UGT1A3: variants seen among roughly 807,000 people sequenced by gnomAD.
The protein encoded by UGT1A3 is UDP glucuronosyltransferase family 1 member A3.
In UGT1A3, 31 loss-of-function variants were observed where a neutral mutation model predicts 41.0. That is an observed-to-expected ratio of 0.76 (90% CI 0.57 to 1.02). UGT1A3 has a LOEUF of 1.02. Among genes scored for constraint, UGT1A3 ranks in the 50% least tolerant of loss-of-function variants. UGT1A3 has a pLI of 0.00. For synonymous variants in UGT1A3, 262 were observed against 257.6 expected (o/e 1.02, Z -0.17); for missense variants, 737 against 671.0 (o/e 1.10, Z -1.09).
chr2:233,755,791 C>T (rs1696023449), intron 1 of UGT1A3: 1 of 152,494 alleles, frequency 6.6e-6, no homozygotes, highest in Admixed American at 6.5e-5. Flanking sequence ...ATCATATGTA[C>T]TGCATTAGAG....
rs193084224 is a variant in UGT1A3 at position 233,739,721 on chromosome 2, A to C, written c.867+9728A>C. On this transcript the variant is annotated intron_variant, in intron 1 of 4. Coordinates refer to ENST00000482026, the MANE Select transcript of UGT1A3 (RefSeq NM_019093.4). ...ACAGGCTCATGGGGGAAGGGACTTG[A>C]CTTGTCTCAGATGAGACCTTGGACT... 9.4e-3 allele frequency among the ~76,000 whole-genome samples: 1,433 copies of C among 152,244 alleles called. 32 individuals are homozygous for C. The highest frequency in any genetic ancestry group is 0.032 in the African/African-American group (1,344 of 41,496).
intron 1 of UGT1A3, chr2:233,760,122 C>T (rs535497865): frequency 2.2e-4 from 285 of 1,291,908 alleles, no homozygotes; most frequent in Non-Finnish European, 2.8e-4. Context: ...TAATAAAGCT[C>T]CACCTTCTTT....
At chr2:233,731,557 A>C (rs2078177814) in intron 1 of UGT1A3, among the ~76,000 whole-genome samples, 1 of 152,126 alleles carries the variant, frequency 6.6e-6, no homozygotes, top group Non-Finnish European at 1.5e-5. Context: ...TCCATGTGAT[A>C]GTTTGCTGAG....
At chr2:233,743,465 C>A in intron 1 of UGT1A3, 1 of 1,366,596 alleles carries the variant, frequency 7.3e-7, no homozygotes. Flanking sequence ...AAAACACCCC[C>A]AAAAGCTGGA....
In UGT1A3 at chr2:233,763,074, C is replaced by T. The variant is rs112277298; in HGVS notation, c.868-3960C>T. On this transcript the variant is annotated intron_variant, in intron 1 of 4. Coordinates refer to ENST00000482026, the MANE Select transcript of UGT1A3 (RefSeq NM_019093.4). ...TTGATTTAGATAATTTCCTTCTTTGCGTGAGGATGTTTGTAGGAGAGGCAC... is the reference window on the plus strand; with the variant it reads ...TTGATTTAGATAATTTCCTTCTTTGTGTGAGGATGTTTGTAGGAGAGGCAC... Among the ~76,000 whole-genome samples, 590 of 152,258 alleles carry T rather than the reference C, an allele frequency of 3.9e-3. 2 individuals are homozygous for T. Among genetic ancestry groups the T allele is most frequent in the Admixed American group, 5.9e-3 (90 of 15,292 alleles).
In UGT1A3 at chr2:233,772,586, T is replaced by C. The variant is rs370727977; in HGVS notation, c.*27T>C. The C allele has an allele frequency of 3.7e-6, 6 of 1,604,570 alleles. No individual in the cohort carries two copies. The highest frequency in any genetic ancestry group is 5.1e-6 in the Non-Finnish European group (6 of 1,175,016). On this transcript the variant is annotated 3_prime_UTR_variant, in exon 5 of 5. Coordinates refer to ENST00000482026, the MANE Select transcript of UGT1A3 (RefSeq NM_019093.4). Reference sequence around the variant, plus strand: ...AAGTGGGTGGGAAATAAGGTAAAATTTTGAACCATTCCCTAGTCATTTCCA... The same window carrying C: ...AAGTGGGTGGGAAATAAGGTAAAATCTTGAACCATTCCCTAGTCATTTCCA...
intron 1 of UGT1A3, chr2:233,760,742 C>T: frequency 3.1e-6 from 5 of 1,614,166 alleles, no homozygotes; most frequent in Non-Finnish European, 4.2e-6. Context: ...CTGACGGACC[C>T]TTTCCTTCCT....
chr2:233,760,377 A>G (rs1697424081), intron 1 of UGT1A3: 2 of 1,614,124 alleles, frequency 1.2e-6, no homozygotes, highest in Admixed American at 1.7e-5. Flanking sequence ...CTGGGAAGAT[A>G]CTGTTGATCC....
intron 1 of UGT1A3, chr2:233,742,938 A>G: frequency 4.7e-6 from 1 of 214,112 alleles, no homozygotes; most frequent in Admixed American, 5.3e-5. Context: ...ATTCTGTCCT[A>G]CCACTAGCAA....
At chr2:233,766,252 C>T (rs1204251588) in intron 1 of UGT1A3, among the ~76,000 whole-genome samples, 7 of 151,626 alleles carry the variant, frequency 4.6e-5, no homozygotes, top group South Asian at 2.1e-4. Flanking sequence ...GGAGTCAGAC[C>T]GCTCAGTGGC....
intron 1 of UGT1A3, among the ~76,000 whole-genome samples, chr2:233,759,628 CCTT>C (rs1265834229): frequency 8.9e-6 from 1 of 112,932 alleles, no homozygotes; most frequent in Admixed American, 1.4e-4. Context: ...CTGTTCATTT[CCTT>C]CTTAGCATGC....
intron 1 of UGT1A3, 34 bp from the exon 2 acceptor site, chr2:233,767,000 A>G: frequency 6.2e-7 from 1 of 1,613,736 alleles, no homozygotes; most frequent in South Asian, 1.1e-5. Context: ...GAATATGAGA[A>G]AAAATTAACT....
chr2:233,767,224 C>G (rs1699341321), intron 2 of UGT1A3, 59 bp downstream of exon 2: 2 of 1,610,498 alleles, frequency 1.2e-6, no homozygotes, highest in Non-Finnish European at 1.7e-6. Context: ...TAATCCCAGA[C>G]TTCCAGCTTC....
At chr2:233,737,982 G>T (rs1690650423) in intron 1 of UGT1A3, among the ~76,000 whole-genome samples, 2 of 151,994 alleles carry the variant, frequency 1.3e-5, no homozygotes, top group South Asian at 4.2e-4. Flanking sequence ...AATATGGTTT[G>T]GCTCTGTGTC....
At chr2:233,768,773 AG>A (rs1386504904) in intron 4 of UGT1A3, among the ~76,000 whole-genome samples, 1 of 151,734 alleles carries the variant, frequency 6.6e-6, no homozygotes, top group Non-Finnish European at 1.5e-5. Context: ...TAGTAGAGAA[AG>A]GGTTTCACCA....
At position 233,759,745 on chromosome 2, in the gene UGT1A3, A is replaced by G. The variant is rs1303166455; in HGVS notation, c.868-7289A>G. Among the ~76,000 whole-genome samples the G allele has an allele frequency of 2.6e-5, 4 of 152,196 alleles. No homozygotes were observed. The East Asian group carries it at 7.7e-4, about 29-fold the overall frequency. ...CTCTGCTGCAGCCTCAAGACCCCAC[A>G]CTGTGCTGGACTCAATAAATATTGT... On this transcript the variant is annotated intron_variant, in intron 1 of 4. Transcript: ENST00000482026.
At chr2:233,731,500 G>A (rs2078170361) in intron 1 of UGT1A3, among the ~76,000 whole-genome samples, 1 of 152,036 alleles carries the variant, frequency 6.6e-6, no homozygotes. Context: ...TGTTCTTGCT[G>A]TTCAGTTCCC....
At chr2:233,739,569 GT>G (rs1056417236) in intron 1 of UGT1A3, among the ~76,000 whole-genome samples, 1 of 152,220 alleles carries the variant, frequency 6.6e-6, no homozygotes, top group Non-Finnish European at 1.5e-5. Flanking sequence ...GCCCTGCCTG[GT>G]TTTGGACTTG....
chr2:233,761,996 A>C (rs1212945255), intron 1 of UGT1A3, among the ~76,000 whole-genome samples: 1 of 151,970 alleles, frequency 6.6e-6, no homozygotes, highest in African/African-American at 2.4e-5. Context: ...CCTTATTTCC[A>C]CTATACCTCC....
Sources: gnomAD v4.1 joint callset for allele counts (sites outside exome capture counted in the v4.1 genomes callset) on GRCh38, gnomAD v4.1.1 for gene constraint, MANE v1.5 for transcripts, NCBI Gene and HGNC (gene_info 2026-07-23, HGNC 2026-07-21) for gene names.